The following METTL15 variants were observed in gnomAD, a reference collection of about 807,000 sequenced individuals.
The protein encoded by METTL15 is 12S rRNA N(4)-cytidine methyltransferase METTL15.
Under a neutral mutation model 38.3 loss-of-function variants are expected in METTL15, and 34 were observed. The observed-to-expected ratio is 0.89, with a 90% CI of 0.68 to 1.18. The LOEUF is 1.18. Ranked by LOEUF, METTL15 falls within the 50% of genes most tolerant of loss-of-function variation. The pLI, the probability that METTL15 is intolerant of heterozygous loss-of-function variation, is 0.00. For synonymous variants in METTL15, 162 were observed against 170.9 expected, an observed-to-expected ratio of 0.95 and a Z score of 0.41; for missense variants, 438 against 498.4, an observed-to-expected ratio of 0.88 and a Z score of 1.15.
intron 5 of METTL15, among the ~76,000 whole-genome samples, chr11:28,291,513 A>T (rs975855822): frequency 2.0e-5 from 3 of 152,102 alleles, no homozygotes; most frequent in African/African-American, 4.8e-5. Flanking sequence ...TTTTGTGGTA[A>T]TTATTCACAT....
intron 4 of METTL15, among the ~76,000 whole-genome samples, chr11:28,273,300 A>G (rs10767708): frequency 0.38 from 57,711 of 151,968 alleles, 12,566 homozygotes; most frequent in African/African-American, 0.6. Context: ...AAATACACAT[A>G]ATTTATTCTT....
chr11:28,222,067 C>A (rs1265193920), intron 4 of METTL15, among the ~76,000 whole-genome samples: 1 of 152,198 alleles, frequency 6.6e-6, no homozygotes, highest in Non-Finnish European at 1.5e-5. Flanking sequence ...AGAACCACTA[C>A]TGTCTTCCAA....
intron 5 of METTL15, among the ~76,000 whole-genome samples, chr11:28,416,974 T>C (rs942394630): frequency 1.3e-5 from 2 of 152,182 alleles, no homozygotes; most frequent in African/African-American, 4.8e-5. Context: ...GAGATAAAAA[T>C]AGAAACAACT....
At position 28,431,028 on chromosome 11, in the gene METTL15, T is replaced by TG. The variant is rs1388099314; in HGVS notation, c.*424+6671dup. On this transcript the variant is annotated intron_variant and NMD_transcript_variant, in intron 6 of 7. Transcript: ENST00000532947. ...CCAGCCGCCCTGTCCGGGAGGGAGG[T>TG]GGGGGGGTCAGCCCCCTGCCCGGCC... Among the ~76,000 whole-genome samples, 4 of 42,514 alleles carry TG rather than the reference T, an allele frequency of 9.4e-5. 1 individual carries two copies. Among genetic ancestry groups the TG allele is most frequent in the African/African-American group, 2.6e-4 (4 of 15,318 alleles). 27.9% of individuals were successfully genotyped at this position (42,514 alleles called of 152,430 possible).
At chr11:28,436,762 T>C (rs1388685389) in intron 6 of METTL15, among the ~76,000 whole-genome samples, 2 of 152,132 alleles carry the variant, frequency 1.3e-5, no homozygotes, top group Non-Finnish European at 2.9e-5. Flanking sequence ...ATCAGAGATC[T>C]CATTTTATAC....
intron 4 of METTL15, among the ~76,000 whole-genome samples, chr11:28,259,841 CT>C (rs1271900107): frequency 6.6e-6 from 1 of 152,148 alleles, no homozygotes; most frequent in Non-Finnish European, 1.5e-5. Flanking sequence ...AGGTGCTTTT[CT>C]TGTGTAGATA....
At chr11:28,514,382 G>A (rs1851702165) in intron 6 of METTL15, among the ~76,000 whole-genome samples, 2 of 152,194 alleles carry the variant, frequency 1.3e-5, no homozygotes, top group African/African-American at 4.8e-5. Flanking sequence ...CACAAGGGAA[G>A]TCACTTGAAG....
intron 3 of METTL15, among the ~76,000 whole-genome samples, chr11:28,187,187 A>G (rs1224719633): frequency 5.3e-5 from 8 of 151,404 alleles, no homozygotes; most frequent in African/African-American, 9.6e-5. Flanking sequence ...GTAATCCAGA[A>G]GTTGTTCTGA....
intron 6 of METTL15, among the ~76,000 whole-genome samples, chr11:28,316,225 C>T (rs534966455): frequency 1.3e-4 from 20 of 152,216 alleles, no homozygotes; most frequent in Non-Finnish European, 1.9e-4. Context: ...AGTGGAGCTG[C>T]CAAAGACCAT....
At chr11:28,531,757 TC>T (rs1409731848), downstream of METTL15, among the ~76,000 whole-genome samples, 4 of 152,184 alleles carry the variant, frequency 2.6e-5, 1 homozygote, top group Non-Finnish European at 5.9e-5. Flanking sequence ...ACGCTTAGCT[TC>T]CTTCCAGTAT....
chr11:28,439,746 T>G (rs1048683605), intron 6 of METTL15, among the ~76,000 whole-genome samples: 2 of 152,220 alleles, frequency 1.3e-5, no homozygotes, highest in Non-Finnish European at 2.9e-5. Flanking sequence ...TGGAATTTTA[T>G]AGGACTGTGG....
chr11:28,524,136 T>C (rs1266369171), intron 6 of METTL15, among the ~76,000 whole-genome samples: 1 of 152,158 alleles, frequency 6.6e-6, no homozygotes, highest in East Asian at 1.9e-4. Flanking sequence ...ACTAGGAAAA[T>C]AAAGCTAAAT....
At chr11:28,495,467 T>C (rs1851528152) in intron 6 of METTL15, among the ~76,000 whole-genome samples, 4 of 152,176 alleles carry the variant, frequency 2.6e-5, no homozygotes, top group Non-Finnish European at 4.4e-5. Context: ...AGCATGCTTG[T>C]AAGGGGGGTG....
chr11:28,130,427 A>G (rs529027075), intron 3 of METTL15, among the ~76,000 whole-genome samples: 62 of 152,308 alleles, frequency 4.1e-4, no homozygotes, highest in African/African-American at 1.4e-3. Context: ...TTGTATGCAC[A>G]TAACCATAAT....
chr11:28,268,979 A>T (rs1855539022), intron 4 of METTL15, among the ~76,000 whole-genome samples: 1 of 152,216 alleles, frequency 6.6e-6, no homozygotes, highest in South Asian at 2.1e-4. Context: ...ACCACCAGGT[A>T]CTATTTTGGT....
At chr11:28,380,429 A>G (rs1474699247) in intron 5 of METTL15, among the ~76,000 whole-genome samples, 2 of 152,028 alleles carry the variant, frequency 1.3e-5, no homozygotes, top group African/African-American at 4.8e-5. Flanking sequence ...CACCCTCCCA[A>G]CACTTTATGC....
chr11:28,435,160 G>C (rs1850970407), intron 6 of METTL15, among the ~76,000 whole-genome samples: 1 of 152,064 alleles, frequency 6.6e-6, no homozygotes, highest in Admixed American at 6.5e-5. Context: ...CCTTTCCCAG[G>C]ACCCTCCAAA....
At chr11:28,189,375 A>G (rs538861183) in intron 3 of METTL15, among the ~76,000 whole-genome samples, 2 of 151,450 alleles carry the variant, frequency 1.3e-5, no homozygotes, top group African/African-American at 4.8e-5. Flanking sequence ...GAATGTTATA[A>G]TAGATAAATA....
At chr11:28,486,368 C>G (rs1398641894) in intron 6 of METTL15, among the ~76,000 whole-genome samples, 2 of 150,596 alleles carry the variant, frequency 1.3e-5, no homozygotes, top group African/African-American at 2.4e-5. Context: ...CAGGTGGACA[C>G]AGGAAAAAAG....
Sources: allele counts gnomAD v4.1 joint callset (sites outside exome capture counted in the v4.1 genomes callset), GRCh38; gene constraint gnomAD v4.1.1; transcripts MANE v1.5; gene names NCBI Gene and HGNC (gene_info 2026-07-23, HGNC 2026-07-21).